Variants in CADPS observed in about 807,000 individuals in gnomAD.
CADPS encodes calcium dependent secretion activator.
Under a neutral mutation model 167.3 loss-of-function variants are expected in CADPS, and 57 were observed. The observed-to-expected ratio is 0.34, with a 90% CI of 0.28 to 0.42. The LOEUF is 0.42. CADPS is among the 20% of genes least tolerant of loss of function. CADPS has a pLI of 1.00. For synonymous variants in CADPS, 676 were observed against 635.3 expected, an observed-to-expected ratio of 1.06 and a Z score of -0.96; for missense variants, 1,414 against 1,738.1, an observed-to-expected ratio of 0.81 and a Z score of 3.32.
chr3:62,754,469 T>C (rs948310149), intron 2 of CADPS, among the ~76,000 whole-genome samples: 8 of 152,190 alleles, frequency 5.3e-5, no homozygotes, highest in African/African-American at 1.9e-4. Flanking sequence ...ATTACAGGCA[T>C]GAGTCAATGC....
At chr3:62,693,642 A>G (rs1432852308) in intron 3 of CADPS, among the ~76,000 whole-genome samples, 2 of 151,880 alleles carry the variant, frequency 1.3e-5, no homozygotes, top group African/African-American at 4.8e-5. Flanking sequence ...AAAATTAGCC[A>G]AGCATGCTGG....
chr3:62,622,028 G>A (rs761670943), intron 6 of CADPS, among the ~76,000 whole-genome samples: 37 of 151,562 alleles, frequency 2.4e-4, no homozygotes, highest in Non-Finnish European at 4.4e-4. Flanking sequence ...CACGTCCTCT[G>A]TGCACCTTTC....
chr3:62,415,257 C>T (rs753995278), intron 28 of CADPS, among the ~76,000 whole-genome samples: 9 of 152,084 alleles, frequency 5.9e-5, no homozygotes, highest in Admixed American at 1.3e-4. Flanking sequence ...TATCAAAAAA[C>T]GGCGCTCGGT....
In CADPS at chr3:62,849,272, T is replaced by C. The variant is rs11917325; in HGVS notation, c.441+25317A>G. ...TCCTAATTGAATGCCCTTTATTTCC[T>C]TCTCCTGCCTGATTGCCCTGGCCAG... On this transcript the variant is annotated intron_variant, in intron 1 of 29. Transcript: ENST00000383710. 2.7e-3 allele frequency among the ~76,000 whole-genome samples: 409 copies of C among 149,066 alleles called. 2 individuals carry two copies. Among genetic ancestry groups the C allele is most frequent in the African/African-American group, 9.2e-3 (371 of 40,400 alleles).
intron 2 of CADPS, among the ~76,000 whole-genome samples, chr3:62,760,030 G>A (rs542173655): frequency 1.3e-5 from 2 of 152,168 alleles, no homozygotes; most frequent in Admixed American, 6.5e-5. Flanking sequence ...TGCTAGATTA[G>A]GAGCAAAAGT....
chr3:62,618,466 T>C (rs1054406245), intron 6 of CADPS, among the ~76,000 whole-genome samples: 2 of 152,304 alleles, frequency 1.3e-5, no homozygotes, highest in South Asian at 4.1e-4. Context: ...AATTTACCCA[T>C]GTAACAAATC....
chr3:62,623,983 C>T (rs2063594002), intron 6 of CADPS, among the ~76,000 whole-genome samples: 1 of 151,480 alleles, frequency 6.6e-6, no homozygotes, highest in Non-Finnish European at 1.5e-5. Context: ...GTGCTCCTGG[C>T]ATCTACTCAG....
At chr3:62,860,280 G>T (rs1022709318) in intron 1 of CADPS, among the ~76,000 whole-genome samples, 4 of 152,188 alleles carry the variant, frequency 2.6e-5, no homozygotes, top group Admixed American at 2.0e-4. Flanking sequence ...CCTTTCAGAT[G>T]ATGTAATGAC....
intron 3 of CADPS, among the ~76,000 whole-genome samples, chr3:62,712,164 G>C (rs1232988613): frequency 6.6e-6 from 1 of 152,042 alleles, no homozygotes; most frequent in Non-Finnish European, 1.5e-5. Context: ...ATGTATATTT[G>C]TGTATATATT....
At chr3:62,519,974 G>T (rs1017117818) in intron 13 of CADPS, among the ~76,000 whole-genome samples, 1 of 152,076 alleles carries the variant, frequency 6.6e-6, no homozygotes, top group Non-Finnish European at 1.5e-5. Flanking sequence ...TTAATGAACT[G>T]AACACACATT....
At chr3:62,583,031 C>T (rs2083751315) in intron 8 of CADPS, among the ~76,000 whole-genome samples, 3 of 151,260 alleles carry the variant, frequency 2.0e-5, no homozygotes, top group Admixed American at 6.6e-5. Context: ...AGAGAGAACT[C>T]GAATGTAGGT....
intron 1 of CADPS, among the ~76,000 whole-genome samples, chr3:62,826,513 T>A (rs1248424642): frequency 6.6e-6 from 1 of 152,104 alleles, no homozygotes; most frequent in Admixed American, 6.6e-5. Flanking sequence ...AATAAAAGGT[T>A]TTTTAGAAGT....
chr3:62,780,419 A>T (rs1008895503), intron 1 of CADPS, among the ~76,000 whole-genome samples: 1 of 152,328 alleles, frequency 6.6e-6, no homozygotes, highest in South Asian at 2.1e-4. Flanking sequence ...TTTCAAAAAA[A>T]TAAATAAAAT....
intron 3 of CADPS, among the ~76,000 whole-genome samples, chr3:62,719,135 G>T (rs2075256066): frequency 6.6e-6 from 1 of 152,190 alleles, no homozygotes; most frequent in African/African-American, 2.4e-5. Context: ...TAATGACTCA[G>T]ATCCTGAAGA....
At position 62,514,511 on chromosome 3, in the gene CADPS, G is replaced by C. The variant is rs1461807446; in HGVS notation, c.2581+1548C>G. Among the ~76,000 whole-genome samples, 1 of 152,030 alleles carries C rather than the reference G, an allele frequency of 6.6e-6. No homozygotes were observed. Among genetic ancestry groups the C allele is most frequent in the East Asian group, 1.9e-4 (1 of 5,190 alleles). On this transcript the variant is annotated intron_variant, in intron 16 of 29. Transcript: ENST00000383710. This position sits in a 1 kb window ranked among gnomAD's most constrained non-coding sequence, Gnocchi z 4.2. ...CTTCAAAGAATCCCCAGACCTAAAA[G>C]TCACAGTGCAAAAGATAATTAACAC...
chr3:62,799,596 C>T (rs2093645586), intron 1 of CADPS, among the ~76,000 whole-genome samples: 1 of 152,164 alleles, frequency 6.6e-6, no homozygotes, highest in Admixed American at 6.6e-5. Context: ...AACCTGCACT[C>T]AAGTGTTGGC....
chr3:62,822,351 A>G (rs1405150876), intron 1 of CADPS, among the ~76,000 whole-genome samples: 4 of 152,148 alleles, frequency 2.6e-5, no homozygotes, highest in Non-Finnish European at 5.9e-5. Flanking sequence ...TTTCCATGTT[A>G]GATTATACAC....
At chr3:62,716,216 G>A (rs1036596341) in intron 3 of CADPS, among the ~76,000 whole-genome samples, 3 of 151,924 alleles carry the variant, frequency 2.0e-5, no homozygotes, top group African/African-American at 7.3e-5. Flanking sequence ...CTTGCCACCA[G>A]CTAATTTCTG....
intron 1 of CADPS, among the ~76,000 whole-genome samples, chr3:62,807,616 A>C (rs536258429): frequency 6.6e-6 from 1 of 151,952 alleles, no homozygotes; most frequent in African/African-American, 2.4e-5. Flanking sequence ...CCAATTTTTC[A>C]ATATTTTTAT....
Sources: gnomAD v4.1 joint callset for allele counts (sites outside exome capture counted in the v4.1 genomes callset) on GRCh38, gnomAD v4.1.1 for gene constraint, Gnocchi (gnomAD v3.1) non-coding constraint, MANE v1.5 for transcripts, NCBI Gene and HGNC (gene_info 2026-07-23, HGNC 2026-07-21) for gene names.